The following CSMD1 variants were observed in gnomAD, a reference collection of about 807,000 sequenced individuals.
The protein encoded by CSMD1 is CUB and Sushi multiple domains 1.
CSMD1 carries 213 observed loss-of-function variants against 417.5 expected under a neutral mutation model. The observed-to-expected ratio is 0.51, with a 90% confidence interval of 0.46 to 0.57. The LOEUF is 0.57. CSMD1 is among the 20% of genes least tolerant of loss of function. CSMD1 has a pLI of 0.00. For missense variants in CSMD1, 6,923 were observed against 4,529.7 expected, an observed-to-expected ratio of 1.53 and a Z score of -15.17; for synonymous variants, 2,862 against 1,736.8, an observed-to-expected ratio of 1.65 and a Z score of -16.11.
intron 1 of CSMD1, among the ~76,000 whole-genome samples, chr8:4,758,956 G>C (rs531312716): frequency 6.6e-6 from 1 of 152,168 alleles, no homozygotes; most frequent in Non-Finnish European, 1.5e-5. Flanking sequence ...TGGAGGGTTT[G>C]CCTGTTGCAC....
At chr8:4,221,383 A>C (rs902380040) in intron 3 of CSMD1, among the ~76,000 whole-genome samples, 1 of 152,066 alleles carries the variant, frequency 6.6e-6, no homozygotes, top group African/African-American at 2.4e-5. Flanking sequence ...AGTGAGAAAA[A>C]AAAAAAAAAA....
intron 1 of CSMD1, among the ~76,000 whole-genome samples, chr8:4,688,234 C>A (rs1806514732): frequency 6.6e-6 from 1 of 152,150 alleles, no homozygotes; most frequent in Non-Finnish European, 1.5e-5. Context: ...TATCTTACGT[C>A]TTAGCTTCAG....
chr8:3,059,020 G>T (rs1812413407), intron 49 of CSMD1, among the ~76,000 whole-genome samples: 1 of 151,970 alleles, frequency 6.6e-6, no homozygotes, highest in Admixed American at 6.6e-5. Context: ...AGGAGGATGT[G>T]TTGGTGATTT....
At chr8:3,884,580 C>T (rs1806426663) in intron 5 of CSMD1, among the ~76,000 whole-genome samples, 1 of 152,178 alleles carries the variant, frequency 6.6e-6, no homozygotes, top group Non-Finnish European at 1.5e-5. Context: ...CACACATACA[C>T]ATGGAAACAT....
At chr8:4,224,239 A>C (rs1801212626) in intron 3 of CSMD1, among the ~76,000 whole-genome samples, 1 of 152,148 alleles carries the variant, frequency 6.6e-6, no homozygotes, top group Non-Finnish European at 1.5e-5. Context: ...TTTCAGAAAA[A>C]AAAAATAATT....
intron 2 of CSMD1, among the ~76,000 whole-genome samples, chr8:4,590,778 GATTTTGGAA>G (rs1010021616): frequency 1.3e-5 from 2 of 152,094 alleles, no homozygotes; most frequent in Admixed American, 1.3e-4. Flanking sequence ...TAGTAACTAA[GATTTTGGAA>G]ATTTTTTTCC....
chr8:3,242,201 T>C (rs62504976), intron 26 of CSMD1, among the ~76,000 whole-genome samples: 115,253 of 151,268 alleles, frequency 0.76, 44,415 homozygotes, highest in South Asian at 0.83. Context: ...AACAGTAAGC[T>C]GGACCAGGTG....
chr8:3,984,767 G>C (rs1183806309), intron 5 of CSMD1, among the ~76,000 whole-genome samples: 6 of 140,466 alleles, frequency 4.3e-5, no homozygotes, highest in Admixed American at 1.4e-4. Context: ...ATGTATTTGT[G>C]CGTGTGTGTG....
chr8:3,997,971 G>T lies in CSMD1; in HGVS notation c.750C>A (p.Phe250Leu), dbSNP rs776380225. 5 of 1,611,396 alleles carry T rather than the reference G, an allele frequency of 3.1e-6. No individual in the cohort carries two copies. The highest frequency in any genetic ancestry group is 4.2e-6 in the Non-Finnish European group (5 of 1,178,700). The part of the protein sequence containing the change: ...AEPGDTIALV[F>L]TDFQLEEGYD... ...ATCCTTCTTCTAGCTGAAAGTCAGT[G>T]AAGACCAGCGCAATGGTGTCCCCGG... Residue 250 changes from phenylalanine to leucine, a missense_variant, in exon 5 of 70, where the codon TTC becomes TTA. Coordinates refer to ENST00000635120, the MANE Select transcript of CSMD1 (RefSeq NM_033225.6).
chr8:3,542,163 A>T (rs1056456908), intron 10 of CSMD1, among the ~76,000 whole-genome samples: 1 of 152,204 alleles, frequency 6.6e-6, no homozygotes, highest in Non-Finnish European at 1.5e-5. Context: ...ATTATTACAA[A>T]ATACTTCAAA....
Position 4,613,168 on chromosome 8 carries a change from C to A in CSMD1, c.302+24174G>T, listed in dbSNP as rs190959208. On this transcript the variant is annotated intron_variant, in intron 2 of 69. Coordinates refer to ENST00000635120, the MANE Select transcript of CSMD1 (RefSeq NM_033225.6). ...TGCTCTTCCCATAAGAGAACAAGAA[C>A]AATTCTAATTCATTTAAATAATGTC... Among the ~76,000 whole-genome samples the A allele has an allele frequency of 3.9e-5, 6 of 152,222 alleles. No homozygotes were observed. The East Asian group carries it at 9.7e-4, about 25-fold the overall frequency.
At chr8:3,435,665 C>T (rs950733217) in intron 12 of CSMD1, among the ~76,000 whole-genome samples, 2 of 152,140 alleles carry the variant, frequency 1.3e-5, no homozygotes, top group Admixed American at 1.3e-4. Context: ...TGCACGGTGC[C>T]ACCCACCTTC....
intron 4 of CSMD1, among the ~76,000 whole-genome samples, chr8:4,015,470 G>C (rs11992654): frequency 2.6e-5 from 4 of 151,702 alleles, no homozygotes; most frequent in African/African-American, 4.9e-5. Flanking sequence ...ATTACGTAAG[G>C]CTTAACAATT....
At chr8:4,394,540 T>C (rs1359654594) in intron 3 of CSMD1, among the ~76,000 whole-genome samples, 2 of 152,208 alleles carry the variant, frequency 1.3e-5, no homozygotes, top group Admixed American at 1.3e-4. Flanking sequence ...CCTAAACTCA[T>C]TGCTTTGGAG....
At chr8:4,214,462 T>G (rs73496586) in intron 3 of CSMD1, among the ~76,000 whole-genome samples, 1 of 152,254 alleles carries the variant, frequency 6.6e-6, no homozygotes, top group African/African-American at 2.4e-5. Flanking sequence ...CACACTTGGC[T>G]AATGTTTGTA....
At position 4,862,799 on chromosome 8, in the gene CSMD1, A is replaced by T. The variant is rs139584085; in HGVS notation, c.85+131533T>A. On this transcript the variant is annotated intron_variant, in intron 1 of 69. Transcript: ENST00000635120. ...GAATCATGAAATCCGGTGACAGCCT[A>T]AAGGGATTTGGGGTAGCTAGAAAGT... Among the ~76,000 whole-genome samples, 1,157 of 152,138 alleles carry T rather than the reference A, an allele frequency of 7.6e-3. 14 individuals are homozygous for T. The highest frequency in any genetic ancestry group is 0.026 in the African/African-American group (1,066 of 41,432).
rs181755682 is a variant in CSMD1, at chr8:4,726,676, G to A, written c.86-89118C>T. Among the ~76,000 whole-genome samples, 472 of 152,270 alleles carry A rather than the reference G, an allele frequency of 3.1e-3. 2 individuals carry two copies. Among genetic ancestry groups the A allele is most frequent in the African/African-American group, 0.011 (460 of 41,568 alleles). On this transcript the variant is annotated intron_variant, in intron 1 of 69. Coordinates refer to ENST00000635120, the MANE Select transcript of CSMD1 (RefSeq NM_033225.6). The stretch of plus-strand genomic sequence containing the variant: ...ATCCTCCCTCCTCTGTTGCTCTGCT[G>A]CTGTCCTATTTCATCAGTTCTAATT...
At chr8:4,271,604 G>C (rs1279438017) in intron 3 of CSMD1, among the ~76,000 whole-genome samples, 1 of 151,438 alleles carries the variant, frequency 6.6e-6, no homozygotes, top group Non-Finnish European at 1.5e-5. Context: ...TCAGGTGCCT[G>C]AGAATTAGCT....
At chr8:3,523,056 G>A (rs1165797656) in intron 10 of CSMD1, among the ~76,000 whole-genome samples, 1 of 150,118 alleles carries the variant, frequency 6.7e-6, no homozygotes, top group Admixed American at 6.7e-5. Context: ...TTAAAAATAA[G>A]AGTTAAAAAT....
Sources: allele counts gnomAD v4.1 joint callset (sites outside exome capture counted in the v4.1 genomes callset), GRCh38; gene constraint gnomAD v4.1.1; transcripts MANE v1.5; gene names NCBI Gene and HGNC (gene_info 2026-07-23, HGNC 2026-07-21).